NDUFA10: variants seen among roughly 807,000 people sequenced by gnomAD.
The protein encoded by NDUFA10 is NADH:ubiquinone oxidoreductase subunit A10, also known as NADH dehydrogenase [ubiquinone] 1 alpha subcomplex subunit 10, mitochondrial.
Under a neutral mutation model 47.8 loss-of-function variants are expected in NDUFA10, and 40 were observed. The observed-to-expected ratio is 0.84, with a 90% confidence interval of 0.65 to 1.09. NDUFA10 has a LOEUF of 1.09. Ranked by LOEUF, NDUFA10 falls within the 50% of genes least tolerant of loss-of-function variation. The pLI is 0.00. For synonymous variants in NDUFA10, 183 were observed against 172.2 expected, an observed-to-expected ratio of 1.06 and a Z score of -0.49; for missense variants, 413 against 451.1, an observed-to-expected ratio of 0.92 and a Z score of 0.76.
intron 5 of NDUFA10, chr2:240,014,380 AACGATAGGAC>A: frequency 2.9e-6 from 1 of 345,122 alleles, no homozygotes; most frequent in Non-Finnish European, 5.6e-6. Context: ...TGTGGAAGAA[AACGATAGGAC>A]ACAAAAACCT....
downstream of NDUFA10, among the ~76,000 whole-genome samples, chr2:239,952,545 CCCT>C (rs1694573491): frequency 6.6e-6 from 1 of 152,200 alleles, no homozygotes; most frequent in Non-Finnish European, 1.5e-5. Flanking sequence ...TTCCAGGTAC[CCCT>C]GTAGGGGTTT....
At chr2:240,011,759 G>A (rs1189249175) in intron 5 of NDUFA10, 63 bp from the exon 6 acceptor site, 9 of 1,404,280 alleles carry the variant, frequency 6.4e-6, no homozygotes, top group Admixed American at 1.7e-5. Flanking sequence ...TGACCTGTGC[G>A]TATATAAAAT....
At chr2:239,898,967 G>A (rs1693460468) in intron 4 of NDUFA10, among the ~76,000 whole-genome samples, 1 of 125,374 alleles carries the variant, frequency 8.0e-6, no homozygotes, top group African/African-American at 2.8e-5. Flanking sequence ...GTGGCAGGGT[G>A]TGATGAAGAG....
rs76875934 is a variant in NDUFA10, at chr2:239,986,322, C to T, written c.999+3752G>A. Among the ~76,000 whole-genome samples the T allele has an allele frequency of 5.6e-3, 852 of 152,310 alleles. 12 individuals are homozygous for T. Among genetic ancestry groups the T allele is most frequent in the African/African-American group, 0.02 (817 of 41,556 alleles). On this transcript the variant is annotated intron_variant, in intron 9 of 9. Coordinates refer to ENST00000252711, the MANE Select transcript of NDUFA10 (RefSeq NM_004544.4). Reference sequence around the variant, plus strand: ...GGGACTGGAGAATGCCTGCCTGCACCTGCCTGGGTGGCAGGGATTAGGGAC... The same window carrying T: ...GGGACTGGAGAATGCCTGCCTGCACTTGCCTGGGTGGCAGGGATTAGGGAC...
At chr2:239,899,659 G>A (rs1217742115) in intron 4 of NDUFA10, among the ~76,000 whole-genome samples, 1 of 152,060 alleles carries the variant, frequency 6.6e-6, no homozygotes, top group Non-Finnish European at 1.5e-5. Context: ...GGACATCAGA[G>A]CCAAAGCAAT....
intron 4 of NDUFA10, among the ~76,000 whole-genome samples, chr2:239,913,121 C>G (rs1482190358): frequency 6.6e-6 from 1 of 152,234 alleles, no homozygotes; most frequent in Admixed American, 6.5e-5. Flanking sequence ...GGCTTGCATC[C>G]AATCATTAAG....
At chr2:240,003,710 A>T (rs1338290254) in intron 8 of NDUFA10, among the ~76,000 whole-genome samples, 2 of 152,204 alleles carry the variant, frequency 1.3e-5, no homozygotes, top group Non-Finnish European at 2.9e-5. Flanking sequence ...CTCACTCCAG[A>T]TACATCTCCT....
chr2:240,002,369 G>A (rs7598799), intron 8 of NDUFA10, among the ~76,000 whole-genome samples: 84,631 of 147,162 alleles, frequency 0.58, 24,633 homozygotes, highest in Admixed American at 0.6. Flanking sequence ...CAAGGAAAGC[G>A]GGTTTTGTTG....
rs185006968 is a variant in NDUFA10, at chr2:239,944,544, G to C, written c.294+45530C>G. Reference sequence around the variant, plus strand: ...CAGGCCGGGTCTGGACAAGTGAGGAGGTGCACTTTCCTCCACATCTGTTTG... The same window carrying C: ...CAGGCCGGGTCTGGACAAGTGAGGACGTGCACTTTCCTCCACATCTGTTTG... On this transcript the variant is annotated intron_variant, in intron 4 of 5. Transcript: ENST00000419408. Among the ~76,000 whole-genome samples the C allele has an allele frequency of 9.3e-4, 141 of 152,334 alleles. 2 individuals carry two copies. The highest frequency in any genetic ancestry group is 8.2e-3 in the Admixed American group (125 of 15,306).
chr2:239,937,935 A>T (rs1012255038), intron 4 of NDUFA10, among the ~76,000 whole-genome samples: 1 of 152,096 alleles, frequency 6.6e-6, no homozygotes, highest in South Asian at 2.1e-4. Context: ...CAGCACCCCA[A>T]TGTGCCACAC....
intron 4 of NDUFA10, among the ~76,000 whole-genome samples, chr2:239,903,197 G>A (rs929625626): frequency 5.3e-5 from 8 of 152,134 alleles, no homozygotes; most frequent in South Asian, 2.1e-4. Context: ...TGAGACGTGC[G>A]CTCCTTCCCC....
rs1380084722 is a variant in NDUFA10, at chr2:239,967,977, T to TACACACACACAC, written c.1000-6792_1000-6791insGTGTGTGTGTGT. Among the ~76,000 whole-genome samples the TACACACACACAC allele has an allele frequency of 7.0e-3, 981 of 139,580 alleles. 11 individuals are homozygous for TACACACACACAC. Among genetic ancestry groups the TACACACACACAC allele is most frequent in the East Asian group, 0.044 (211 of 4,758 alleles). The allele number at this position is 139,580 out of a possible 152,430, so 91.6% of individuals were successfully genotyped here. A position where few individuals can be genotyped will look rare whatever the true frequency, so the allele number is the denominator to read the frequency against. On this transcript the variant is annotated intron_variant, in intron 9 of 9. Transcript: ENST00000252711. The stretch of plus-strand genomic sequence containing the variant: ...CACAGAAATCAGTCAAGGAAAAAAA[T>TACACACACACAC]ATACACACACACACACACACACACA...
intron 4 of NDUFA10, among the ~76,000 whole-genome samples, chr2:239,938,163 C>T (rs1157744848): frequency 6.6e-6 from 1 of 152,176 alleles, no homozygotes; most frequent in Non-Finnish European, 1.5e-5. Context: ...CGGACAGCTC[C>T]CCCATCTGTC....
At chr2:239,953,123 G>A (rs1165860591), downstream of NDUFA10, among the ~76,000 whole-genome samples, 1 of 152,224 alleles carries the variant, frequency 6.6e-6, no homozygotes, top group Non-Finnish European at 1.5e-5. Context: ...CAAAGGGGCT[G>A]AGCAAATGGG....
intron 4 of NDUFA10, among the ~76,000 whole-genome samples, chr2:239,913,874 A>C (rs1293073417): frequency 6.6e-6 from 1 of 152,218 alleles, no homozygotes; most frequent in East Asian, 1.9e-4. Context: ...CTCGGCGTGC[A>C]GGAGGACGTG....
chr2:239,953,022 G>A (rs563328002), downstream of NDUFA10, among the ~76,000 whole-genome samples: 19 of 152,344 alleles, frequency 1.2e-4, no homozygotes, highest in African/African-American at 4.6e-4. Context: ...CCTTCTTGTC[G>A]GCCCAAGGTG....
At chr2:239,999,824 C>T (rs1559374995) in intron 8 of NDUFA10, among the ~76,000 whole-genome samples, 2 of 152,210 alleles carry the variant, frequency 1.3e-5, no homozygotes, top group Non-Finnish European at 2.9e-5. Flanking sequence ...CCGTGGCTTT[C>T]CTGTGAAACC....
chr2:240,013,649 T>C (rs1016827078), intron 5 of NDUFA10: 1 of 152,238 alleles, frequency 6.6e-6, no homozygotes, highest in African/African-American at 2.4e-5. Context: ...TCGCTGTTTC[T>C]ACTATTGCAA....
intron 8 of NDUFA10, among the ~76,000 whole-genome samples, chr2:240,000,982 T>C (rs1696686613): frequency 6.6e-6 from 1 of 152,186 alleles, no homozygotes; most frequent in African/African-American, 2.4e-5. Flanking sequence ...CAGAACTACA[T>C]ACACAAAGCA....
Sources: gnomAD v4.1 joint callset for allele counts (sites outside exome capture counted in the v4.1 genomes callset) on GRCh38, gnomAD v4.1.1 for gene constraint, MANE v1.5 for transcripts, NCBI Gene and HGNC (gene_info 2026-07-23, HGNC 2026-07-21) for gene names.